Variants in UBE4B observed in about 807,000 individuals in gnomAD.
The protein encoded by UBE4B is ubiquitination factor E4B, also known as ubiquitin conjugation factor E4 B.
Under a neutral mutation model 148.1 loss-of-function variants are expected in UBE4B, and 27 were observed. The ratio of observed to expected loss-of-function variants is 0.18; its 90% CI spans 0.13 to 0.25. UBE4B has a LOEUF of 0.25. Among genes scored for constraint, UBE4B ranks in the 10% least tolerant of loss-of-function variants. The probability of loss-of-function intolerance (pLI) is 1.00; values close to 1 mark genes in which losing one functional copy is unlikely to be tolerated. For synonymous variants in UBE4B, 596 were observed against 619.3 expected, an observed-to-expected ratio of 0.96 and a Z score of 0.56; for missense variants, 1,170 against 1,662.4, an observed-to-expected ratio of 0.70 and a Z score of 5.15.
chr1:10,165,371 C>T (rs17034549), intron 23 of UBE4B, among the ~76,000 whole-genome samples: 7 of 152,132 alleles, frequency 4.6e-5, no homozygotes, highest in African/African-American at 1.4e-4. Flanking sequence ...ACCTCCAGAC[C>T]GTTGGCATCT....
intron 23 of UBE4B, among the ~76,000 whole-genome samples, chr1:10,166,970 C>A (rs12137598): frequency 0.032 from 4,265 of 132,994 alleles, 64 homozygotes; most frequent in Middle Eastern, 0.062. Context: ...CACACACACA[C>A]AAAAAAAAAA....
intron 1 of UBE4B, among the ~76,000 whole-genome samples, chr1:10,071,229 T>A (rs1644479164): frequency 6.6e-6 from 1 of 152,172 alleles, no homozygotes; most frequent in African/African-American, 2.4e-5. Context: ...TTTTAAATCT[T>A]ACCTATTTGA....
intron 2 of UBE4B, among the ~76,000 whole-genome samples, chr1:10,086,042 G>A (rs779451135): frequency 2.6e-5 from 4 of 151,528 alleles, no homozygotes; most frequent in Middle Eastern, 3.2e-3. Context: ...CACAATCTCC[G>A]CTTACTGCAA....
intron 5 of UBE4B, among the ~76,000 whole-genome samples, chr1:10,104,569 A>C (rs192708533): frequency 2.6e-5 from 4 of 152,202 alleles, no homozygotes; most frequent in Admixed American, 2.6e-4. Flanking sequence ...GGAGGGAAAA[A>C]AAAAGTCCTT....
At chr1:10,110,593 A>C (rs1485394073) in intron 7 of UBE4B, among the ~76,000 whole-genome samples, 1 of 152,210 alleles carries the variant, frequency 6.6e-6, no homozygotes, top group Admixed American at 6.5e-5. Context: ...GGTACCGCAG[A>C]AGTTATCCGG....
chr1:10,164,084 T>TA (rs944365753), intron 23 of UBE4B, among the ~76,000 whole-genome samples: 1 of 151,810 alleles, frequency 6.6e-6, no homozygotes, highest in Non-Finnish European at 1.5e-5. Flanking sequence ...CTCATGCCTG[T>TA]AATATCAGCA....
chr1:10,107,076 A>G (rs1032545362), intron 7 of UBE4B: 44 of 623,388 alleles, frequency 7.1e-5, no homozygotes, highest in Middle Eastern at 3.1e-4. Flanking sequence ...ATGTGTTTCT[A>G]TAATTTAGGT....
rs1330432330 is a variant in UBE4B at position 10,032,978 on chromosome 1, C to T, written c.-693C>T. 2.0e-5 allele frequency: 3 copies of T among 152,166 alleles called. No homozygotes were observed. The highest frequency in any genetic ancestry group is 6.5e-5 in the Admixed American group (1 of 15,278). The allele number at this position is 152,166 out of a possible 1,614,324, so 9.4% of individuals were successfully genotyped here. A position where few individuals can be genotyped will look rare whatever the true frequency, so the allele number is the denominator to read the frequency against. On this transcript the variant is annotated 5_prime_UTR_variant, in exon 1 of 28. Transcript: ENST00000343090. ...GTGATCCCTTTCAAAGATGGCCGCC[C>T]TGTTGTTTTGATGAATAATACTTGG...
intron 2 of UBE4B, among the ~76,000 whole-genome samples, chr1:10,088,845 A>G (rs995031415): frequency 2.0e-5 from 3 of 151,224 alleles, no homozygotes; most frequent in African/African-American, 2.4e-5. Flanking sequence ...TGCCCAACTA[A>G]TTTTTTTATT....
At chr1:10,070,768 AAAGG>A (rs199783947) in intron 1 of UBE4B, among the ~76,000 whole-genome samples, 3,198 of 152,288 alleles carry the variant, frequency 0.021, 38 homozygotes, top group Non-Finnish European at 0.033. Context: ...TTATATGTTA[AAAGG>A]AAGAAGTGGC....
intron 10 of UBE4B, 41 bp from the exon 11 acceptor site, chr1:10,126,753 C>A: frequency 6.5e-7 from 1 of 1,528,656 alleles, no homozygotes; most frequent in Non-Finnish European, 9.1e-7. Context: ...CTCTTAGATT[C>A]TCTTAAACTT....
chr1:10,180,074 C>A lies in UBE4B; in HGVS notation c.*118C>A, dbSNP rs1390798172. The A allele has an allele frequency of 3.7e-5, 48 of 1,295,020 alleles. No homozygotes were observed. The South Asian group carries it at 6.1e-4, about 16-fold the overall frequency. The allele number at this position is 1,295,020 out of a possible 1,614,324, so 80.2% of individuals were successfully genotyped here. On this transcript the variant is annotated 3_prime_UTR_variant, in exon 28 of 28. Transcript: ENST00000343090. ...GAGGCCAAATGTGGCAAACCAACCC[C>A]AGGCCCACCCAGAGCGAGCAAACGC...
At chr1:10,153,776 C>T (rs1482732421) in intron 21 of UBE4B, among the ~76,000 whole-genome samples, 2 of 151,250 alleles carry the variant, frequency 1.3e-5, no homozygotes, top group Non-Finnish European at 2.9e-5. Flanking sequence ...GGTGAAACCC[C>T]GTCTCTACTA....
intron 18 of UBE4B, 53 bp from the exon 19 acceptor site, chr1:10,146,910 T>C: frequency 6.3e-7 from 1 of 1,599,552 alleles, no homozygotes; most frequent in Non-Finnish European, 8.6e-7. Context: ...AGTCCCCCTG[T>C]AGGGACTTAG....
rs558907980 is a variant in UBE4B, at chr1:10,146,673, G to A, written c.2464-290G>A. On this transcript the variant is annotated intron_variant, in intron 18 of 27. Coordinates refer to ENST00000343090, the MANE Select transcript of UBE4B (RefSeq NM_001105562.3). ...CTGACACCCAAAGGGCCTCCCTGTC[G>A]CCACCCTCTCCTCATCAGGTTATTT... Among the ~76,000 whole-genome samples the A allele has an allele frequency of 7.8e-4, 118 of 151,952 alleles. 1 individual carries two copies. In the South Asian group the frequency reaches 0.021, roughly 27 times the overall value.
intron 11 of UBE4B, 136 bp from the exon 12 acceptor site, chr1:10,129,256 C>T (rs1445043864): frequency 3.5e-6 from 2 of 578,922 alleles, no homozygotes; most frequent in Non-Finnish European, 6.0e-6. Flanking sequence ...GAAGCTGCTG[C>T]CATTTCAGAG....
chr1:10,074,168 C>T (rs17034493), intron 2 of UBE4B, among the ~76,000 whole-genome samples: 7,264 of 152,002 alleles, frequency 0.048, 252 homozygotes, highest in Middle Eastern at 0.12. Context: ...CTCCATCAGC[C>T]TCAGTCATCA....
intron 7 of UBE4B, chr1:10,107,220 A>G: frequency 7.8e-7 from 1 of 1,289,544 alleles, no homozygotes; most frequent in Non-Finnish European, 1.0e-6. Flanking sequence ...TTGTTGTGGT[A>G]GTATGTACGA....
chr1:10,117,021 C>A (rs933285396), intron 7 of UBE4B, among the ~76,000 whole-genome samples: 8 of 152,138 alleles, frequency 5.3e-5, no homozygotes, highest in African/African-American at 1.9e-4. Flanking sequence ...CTTTTGAGAT[C>A]CATGGTAGAA....
Sources: allele counts gnomAD v4.1 joint callset (sites outside exome capture counted in the v4.1 genomes callset), GRCh38; gene constraint gnomAD v4.1.1; transcripts MANE v1.5; gene names NCBI Gene and HGNC (gene_info 2026-07-23, HGNC 2026-07-21).